The following RYR2 variants were observed in gnomAD, a reference collection of about 807,000 sequenced individuals.
The protein encoded by RYR2 is cardiac muscle ryanodine receptor-calcium release channel.
RYR2 carries 227 observed loss-of-function variants against 601.1 expected under a neutral mutation model. The ratio of observed to expected loss-of-function variants is 0.38; its 90% CI spans 0.34 to 0.42. RYR2 has a LOEUF of 0.42. Ranked by LOEUF, RYR2 falls within the 10% of genes least tolerant of loss-of-function variation. The pLI is 1.00. For synonymous variants in RYR2, 2,223 were observed against 2,175.1 expected (o/e 1.02, Z -0.61); for missense variants, 4,646 against 6,156.5 (o/e 0.75, Z 8.21).
chr1:237,190,190 T>C (rs1679820509), intron 1 of RYR2, among the ~76,000 whole-genome samples: 1 of 152,162 alleles, frequency 6.6e-6, no homozygotes, highest in South Asian at 2.1e-4. Context: ...TGCCCAGCCA[T>C]ACTGTTTTCT....
At position 237,781,401 on chromosome 1, in the gene RYR2, T is replaced by TGTAAA. The variant is rs1359896441; in HGVS notation, c.11881-160_11881-156dup. Among the ~76,000 whole-genome samples, 3 of 152,370 alleles carry TGTAAA rather than the reference T, an allele frequency of 2.0e-5. No homozygotes were observed. The East Asian group carries it at 5.8e-4, about 29-fold the overall frequency. Reference sequence around the variant, plus strand: ...GTTGAAATCAGTAATACTTTTTAATTGTAAAGTATAACTATTTTTAATATT... The same window carrying TGTAAA: ...GTTGAAATCAGTAATACTTTTTAATTGTAAAGTAAAGTATAACTATTTTTAATATT... On this transcript the variant is annotated intron_variant, in intron 88 of 104. Coordinates refer to ENST00000366574, the MANE Select transcript of RYR2 (RefSeq NM_001035.3).
chr1:237,235,340 G>T (rs1685452920), intron 1 of RYR2, among the ~76,000 whole-genome samples: 1 of 152,180 alleles, frequency 6.6e-6, no homozygotes, highest in Non-Finnish European at 1.5e-5. Context: ...CTCGAGAGCA[G>T]CCCTGAAAGT....
intron 2 of RYR2, among the ~76,000 whole-genome samples, chr1:237,272,537 A>AAT (rs1029222611): frequency 6.7e-6 from 1 of 149,260 alleles, no homozygotes; most frequent in Admixed American, 6.7e-5. Flanking sequence ...ATAATTTTAT[A>AAT]ATATATATAA....
intron 80 of RYR2, among the ~76,000 whole-genome samples, chr1:237,747,238 C>T (rs893048642): frequency 1.3e-5 from 2 of 152,314 alleles, no homozygotes; most frequent in African/African-American, 4.8e-5. Context: ...TTCCTTTTGG[C>T]GAATGCCCAG....
intron 2 of RYR2, among the ~76,000 whole-genome samples, chr1:237,310,527 C>A (rs900638557): frequency 5.3e-5 from 8 of 152,098 alleles, no homozygotes; most frequent in Non-Finnish European, 1.2e-4. Flanking sequence ...CTACTTGATC[C>A]TTTTCTTTTG....
In RYR2 at chr1:237,262,245, G is replaced by GTTTTTTTTTTTTTTTTTT. The variant is rs386370106; in HGVS notation, c.49-8242_49-8225dup. Among the ~76,000 whole-genome samples, 19 of 61,102 alleles carry GTTTTTTTTTTTTTTTTTT rather than the reference G, an allele frequency of 3.1e-4. 3 individuals carry two copies. In the East Asian group the frequency reaches 4.2e-3, roughly 13 times the overall value. The allele number at this position is 61,102 out of a possible 152,430, so 40.1% of individuals were successfully genotyped here. ...AAATATTAGATCTCTGTTCTAAAGA[G>GTTTTTTTTTTTTTTTTTT]TTTTTTTTTTTTTTTTTTTTTTTTT... On this transcript the variant is annotated intron_variant, in intron 1 of 104. Coordinates refer to ENST00000366574, the MANE Select transcript of RYR2 (RefSeq NM_001035.3).
chr1:237,249,220 AG>A (rs1687216568), intron 1 of RYR2, among the ~76,000 whole-genome samples: 1 of 152,156 alleles, frequency 6.6e-6, no homozygotes, highest in South Asian at 2.1e-4. Flanking sequence ...ACCCAAATGT[AG>A]TTTTTATATT....
intron 1 of RYR2, among the ~76,000 whole-genome samples, chr1:237,182,719 A>T (rs190825309): frequency 1.5e-3 from 229 of 152,288 alleles, no homozygotes; most frequent in Non-Finnish European, 2.5e-3. Context: ...TACACAATTT[A>T]AAAAATCTAT....
At chr1:237,579,872 C>G (rs1255753972) in intron 29 of RYR2, among the ~76,000 whole-genome samples, 2 of 152,010 alleles carry the variant, frequency 1.3e-5, no homozygotes, top group East Asian at 3.9e-4. Flanking sequence ...ATAATTCAAA[C>G]TTCAGTGTAA....
intron 78 of RYR2, among the ~76,000 whole-genome samples, chr1:237,732,806 C>T (rs571287407): frequency 6.6e-6 from 1 of 152,276 alleles, no homozygotes; most frequent in East Asian, 1.9e-4. Flanking sequence ...ATAGCAGAGG[C>T]TAGAGGACCT....
intron 33 of RYR2, among the ~76,000 whole-genome samples, chr1:237,594,394 G>T (rs910472020): frequency 2.7e-4 from 41 of 152,236 alleles, no homozygotes; most frequent in African/African-American, 9.6e-4. Flanking sequence ...CCCTCGGGTT[G>T]TAACATATGA....
At position 237,745,659 on chromosome 1, in the gene RYR2, T is replaced by C. The variant is rs147017529; in HGVS notation, c.11145+3310T>C. Among the ~76,000 whole-genome samples, 7 of 152,314 alleles carry C rather than the reference T, an allele frequency of 4.6e-5. No homozygotes were observed. The South Asian group carries it at 8.3e-4, about 18-fold the overall frequency. ...CATCTTAATATTTAGACACTAGGAT[T>C]CAGGCCAGACTAAGGACAAGAAGTC... On this transcript the variant is annotated intron_variant, in intron 80 of 104. Coordinates refer to ENST00000366574, the MANE Select transcript of RYR2 (RefSeq NM_001035.3).
At position 237,587,885 on chromosome 1, in the gene RYR2, G is replaced by T. The variant is rs150373252; in HGVS notation, c.3599-1908G>T. 2.0e-5 allele frequency among the ~76,000 whole-genome samples: 3 copies of T among 152,262 alleles called. No homozygotes were observed. The East Asian group carries it at 5.8e-4, about 29-fold the overall frequency. On this transcript the variant is annotated intron_variant, in intron 29 of 104. Coordinates refer to ENST00000366574, the MANE Select transcript of RYR2 (RefSeq NM_001035.3). ...CTTCTACAAATAAAGTGATCAGAAA[G>T]AAATAGATGTTTACCATTTGAGGAA... is the stretch of plus-strand genomic sequence containing the variant.
At chr1:237,702,749 C>T (rs1212484421) in intron 66 of RYR2, among the ~76,000 whole-genome samples, 2 of 151,690 alleles carry the variant, frequency 1.3e-5, no homozygotes, top group Admixed American at 6.6e-5. Context: ...AAGAATAAAC[C>T]CATGAGACTA....
At chr1:237,660,137 G>T (rs1683635988) in intron 55 of RYR2, 63 bp downstream of exon 55, 32 of 964,658 alleles carry the variant, frequency 3.3e-5, no homozygotes, top group South Asian at 1.9e-4. Flanking sequence ...TGTGTTTTTT[G>T]GTTATATTTT....
chr1:237,500,764 G>A lies in RYR2; in HGVS notation c.2257G>A (p.Asp753Asn). Residue 753 changes from aspartate to asparagine, a missense_variant, in exon 21 of 105, where the codon GAT (aspartate) becomes AAT (asparagine). Transcript: ENST00000366574. ...AAACCAACATCTGTTAAGAACTGATGATGTCATCAGTTGCTGTTTAGATCT... is the reference window on the plus strand; with the variant it reads ...AAACCAACATCTGTTAAGAACTGATAATGTCATCAGTTGCTGTTTAGATCT... ...SPNQHLLRTDDVISCCLDLSA... is the reference protein window; with the variant it reads ...SPNQHLLRTDNVISCCLDLSA... 1 of 1,613,908 alleles carries A rather than the reference G, an allele frequency of 6.2e-7. No homozygotes were observed. The highest frequency in any genetic ancestry group is 8.5e-7 in the Non-Finnish European group (1 of 1,179,848).
Position 237,828,415 on chromosome 1 carries a change from C to T in RYR2, c.14625C>T (p.Asp4875=), listed in dbSNP as rs1184589246. The change falls in exon 102 of 105, where the codon GAC becomes GAT. Residue 4875 remains aspartate, a synonymous_variant. Transcript: ENST00000366574. ...TTGATGCTTTTGGAGAACTAAGAGA[C>T]CAACAGGAACAAGTCAAAGAAGACA... The part of the protein sequence containing the change: ...LIIDAFGELR[D]QQEQVKEDME... 5.7e-6 allele frequency: 9 copies of T among 1,566,592 alleles called. No homozygotes were observed. Among genetic ancestry groups the T allele is most frequent in the Non-Finnish European group, 7.8e-6 (9 of 1,153,528 alleles).
rs138047354 is a variant in RYR2 at position 237,285,713 on chromosome 1, G to C, written c.168+15097G>C. ...CATTTCAATCTCACTGCTTGTTATT[G>C]GTCTGTTCAGGGTATCTAACTCCTC... On this transcript the variant is annotated intron_variant, in intron 2 of 104. Transcript: ENST00000366574. Among the ~76,000 whole-genome samples, 282 of 152,176 alleles carry C rather than the reference G, an allele frequency of 1.9e-3. 4 individuals carry two copies. The highest frequency in any genetic ancestry group is 6.6e-3 in the African/African-American group (275 of 41,536).
rs60010171 is a variant in RYR2 at position 237,416,763 on chromosome 1, CAG to C, written c.774-266_774-265del. Among the ~76,000 whole-genome samples, 36 of 147,242 alleles carry C rather than the reference CAG, an allele frequency of 2.4e-4. 1 individual carries two copies. Among genetic ancestry groups the C allele is most frequent in the African/African-American group, 6.0e-4 (24 of 39,710 alleles). The stretch of plus-strand genomic sequence containing the variant: ...GGATGGGAAGAAACACACACACACA[CAG>C]AGAGAGAGAGAGAGAGAGAATGAAT... On this transcript the variant is annotated intron_variant, in intron 10 of 104. Coordinates refer to ENST00000366574, the MANE Select transcript of RYR2 (RefSeq NM_001035.3).
Sources: gnomAD v4.1 joint callset for allele counts (sites outside exome capture counted in the v4.1 genomes callset) on GRCh38, gnomAD v4.1.1 for gene constraint, MANE v1.5 for transcripts, NCBI Gene and HGNC (gene_info 2026-07-23, HGNC 2026-07-21) for gene names.